The following OGDH variants were observed in gnomAD, a reference collection of about 807,000 sequenced individuals.
OGDH encodes the protein 2-oxoglutarate dehydrogenase complex component E1.
A neutral mutation model predicts 116.6 loss-of-function variants in OGDH; 38 were observed. The observed-to-expected ratio is 0.33, with a 90% CI of 0.25 to 0.43. OGDH has a LOEUF of 0.43. OGDH is among the 20% of genes least tolerant of loss of function. The pLI, the probability that OGDH is intolerant of heterozygous loss-of-function variation, is 1.00. For missense variants in OGDH, 825 were observed against 1,357.2 expected, an observed-to-expected ratio of 0.61 and a Z score of 6.16; for synonymous variants, 488 against 533.3, an observed-to-expected ratio of 0.92 and a Z score of 1.17.
intron 1 of OGDH, among the ~76,000 whole-genome samples, chr7:44,611,072 AT>A (rs56803296): frequency 0.44 from 53,539 of 122,662 alleles, 9,523 homozygotes; most frequent in East Asian, 0.65. Context: ...ATTTTTCTAA[AT>A]TTTTTTTTTT....
chr7:44,616,490 A>G (rs899521796), intron 1 of OGDH, among the ~76,000 whole-genome samples: 1 of 151,998 alleles, frequency 6.6e-6, no homozygotes, highest in Admixed American at 6.6e-5. Flanking sequence ...GAGACAGCCT[A>G]CTAATGTTTT....
chr7:44,673,066 C>T (rs1787539485), intron 5 of OGDH, among the ~76,000 whole-genome samples: 1 of 152,106 alleles, frequency 6.6e-6, no homozygotes, highest in Admixed American at 6.5e-5. Context: ...GCAGTGTGAA[C>T]GTGGTACAGG....
Position 44,696,079 on chromosome 7 carries a change from GA to G in OGDH, c.1724del (p.Asp575ValfsTer35). On this transcript the variant is annotated frameshift_variant, in exon 13 of 23. Transcript: ENST00000222673. LOFTEE classifies it high-confidence loss of function. ...TGAGGAAGCTTTTGCCAGATCTAAAGATGAGAAGATCTTGCACATTAAGCAC... is the reference window on the plus strand; with the variant it reads ...TGAGGAAGCTTTTGCCAGATCTAAAGTGAGAAGATCTTGCACATTAAGCAC... ...ICEEAFARSK[D>X]EKILHIKHWL... The G allele has an allele frequency of 6.2e-7, 1 of 1,613,674 alleles. No individual in the cohort carries two copies. The highest frequency in any genetic ancestry group is 8.5e-7 in the Non-Finnish European group (1 of 1,179,602).
intron 2 of OGDH, among the ~76,000 whole-genome samples, chr7:44,639,672 A>C (rs1785841517): frequency 6.6e-6 from 1 of 152,174 alleles, no homozygotes; most frequent in Non-Finnish European, 1.5e-5. Context: ...GTCTTGGCGC[A>C]AAGAGGGCTT....
intron 18 of OGDH, among the ~76,000 whole-genome samples, chr7:44,698,840 T>TAAAA (rs750560729): frequency 7.8e-6 from 1 of 127,702 alleles, no homozygotes; most frequent in African/African-American, 2.9e-5. Context: ...TACCCTGTCT[T>TAAAA]AAAAAAAAAA....
intron 1 of OGDH, among the ~76,000 whole-genome samples, chr7:44,608,806 GAA>G (rs1784453955): frequency 6.6e-6 from 1 of 151,918 alleles, no homozygotes; most frequent in Non-Finnish European, 1.5e-5. Context: ...AAATTATTGA[GAA>G]ATTCATTTTG....
chr7:44,665,690 C>T lies in OGDH; in HGVS notation c.518-1046C>T, dbSNP rs771554720. Among the ~76,000 whole-genome samples, 5 of 152,148 alleles carry T rather than the reference C, an allele frequency of 3.3e-5. No individual in the cohort carries two copies. In the East Asian group the frequency reaches 9.6e-4, roughly 29 times the overall value. ...AGGTCTAGTCAGATGTTGGAGACTT[C>T]GCAAAATACCAGTTCACTGTGCATT... On this transcript the variant is annotated intron_variant, in intron 4 of 22. Transcript: ENST00000222673.
intron 1 of OGDH, among the ~76,000 whole-genome samples, chr7:44,613,984 T>G (rs1784669476): frequency 6.6e-6 from 1 of 151,872 alleles, no homozygotes; most frequent in Admixed American, 6.6e-5. Flanking sequence ...TTTTGTATTT[T>G]TAGTTGAGAC....
At chr7:44,686,611 A>G (rs1309297767) in intron 10 of OGDH, among the ~76,000 whole-genome samples, 1 of 151,176 alleles carries the variant, frequency 6.6e-6, no homozygotes, top group Non-Finnish European at 1.5e-5. Flanking sequence ...CCCTTCCTAA[A>G]TGATTGGTAG....
In OGDH at chr7:44,645,537, C is replaced by T; in HGVS notation, c.414+19C>T. The T allele has an allele frequency of 6.2e-7, 1 of 1,611,186 alleles. No individual in the cohort carries two copies. The highest frequency in any genetic ancestry group is 2.2e-5 in the East Asian group (1 of 44,806). Reference sequence around the variant, plus strand: ...ATATCAGGTAAGGCGGGTGCTTTACCCGCACACGGGAAAGGGTGCAGTGTT... The same window carrying T: ...ATATCAGGTAAGGCGGGTGCTTTACTCGCACACGGGAAAGGGTGCAGTGTT... On this transcript the variant is annotated intron_variant, in intron 3 of 22. Coordinates refer to ENST00000222673, the MANE Select transcript of OGDH (RefSeq NM_002541.4).
rs1202233357 is a variant in OGDH at position 44,694,226 on chromosome 7, C to CG, written c.1516-198_1516-197insG. Reference sequence around the variant, plus strand: ...GGAGCTGTGGTGGTGAGGAGGGCCACTCCTCATTGACAGAGCAGCTCTACT... The same window carrying CG: ...GGAGCTGTGGTGGTGAGGAGGGCCACGTCCTCATTGACAGAGCAGCTCTACT... On this transcript the variant is annotated intron_variant, in intron 11 of 22. Transcript: ENST00000222673. This position sits in a 1 kb window ranked among gnomAD's most constrained non-coding sequence, Gnocchi z 4.2. 6.6e-6 allele frequency among the ~76,000 whole-genome samples: 1 copy of CG among 152,124 alleles called. No homozygotes were observed. The highest frequency in any genetic ancestry group is 2.4e-5 in the African/African-American group (1 of 41,436).
chr7:44,697,545 C>T lies in OGDH; in HGVS notation c.2179+48C>T, dbSNP rs376134596. 19 of 1,613,558 alleles carry T rather than the reference C, an allele frequency of 1.2e-5. No homozygotes were observed. The African/African-American group carries it at 1.2e-4, about 10-fold the overall frequency. ...CCAGGGCCTGTCACCCACCCACCCCCGCTGGGCCTACTGGCTGGTGTCCTG... is the reference window on the plus strand; with the variant it reads ...CCAGGGCCTGTCACCCACCCACCCCTGCTGGGCCTACTGGCTGGTGTCCTG... On this transcript the variant is annotated intron_variant, in intron 16 of 22. Transcript: ENST00000222673. The surrounding 1 kb of genome is among the most constrained non-coding windows in gnomAD (Gnocchi z 6.0).
chr7:44,639,814 A>G (rs1326926183), intron 2 of OGDH, among the ~76,000 whole-genome samples: 1 of 152,202 alleles, frequency 6.6e-6, no homozygotes, highest in Non-Finnish European at 1.5e-5. Flanking sequence ...TGCATGGTGT[A>G]AGATGAATAA....
At chr7:44,612,044 A>G (rs1210388831) in intron 1 of OGDH, among the ~76,000 whole-genome samples, 2 of 152,206 alleles carry the variant, frequency 1.3e-5, no homozygotes, top group Non-Finnish European at 1.5e-5. Context: ...TACATTAGGT[A>G]TATCCATTTG....
intron 4 of OGDH, among the ~76,000 whole-genome samples, chr7:44,665,265 A>T (rs1343770654): frequency 1.4e-5 from 2 of 140,892 alleles, no homozygotes; most frequent in East Asian, 4.3e-4. Context: ...AGCCACTACT[A>T]CCATCACCAC....
chr7:44,686,506 T>C (rs561676003), intron 10 of OGDH, among the ~76,000 whole-genome samples: 1 of 152,240 alleles, frequency 6.6e-6, no homozygotes, highest in Non-Finnish European at 1.5e-5. Flanking sequence ...TGCCTTTATC[T>C]GGTTTTGCTA....
In OGDH at chr7:44,707,159, G is replaced by A; in HGVS notation, c.2633-66G>A. The stretch of plus-strand genomic sequence containing the variant: ...TGGCAGCAGTCCCTGGCACAGCCCT[G>A]GGCCCAGGAGAGCTCTCAGCCACAT... On this transcript the variant is annotated intron_variant, in intron 20 of 22. Transcript: ENST00000222673. The surrounding 1 kb of genome is among the most constrained non-coding windows in gnomAD (Gnocchi z 5.2). The A allele has an allele frequency of 6.4e-7, 1 of 1,559,784 alleles. No individual in the cohort carries two copies. Among genetic ancestry groups the A allele is most frequent in the Middle Eastern group, 1.7e-4 (1 of 5,850 alleles).
At chr7:44,612,987 TCTC>T (rs570751543) in intron 1 of OGDH, among the ~76,000 whole-genome samples, 3 of 144,466 alleles carry the variant, frequency 2.1e-5, no homozygotes, top group East Asian at 2.1e-4. Context: ...TTCAAGCAAT[TCTC>T]CTGCCTCAGC....
At chr7:44,627,141 C>T (rs1401155620) in intron 2 of OGDH, among the ~76,000 whole-genome samples, 1 of 152,112 alleles carries the variant, frequency 6.6e-6, no homozygotes, top group Non-Finnish European at 1.5e-5. Context: ...GGATTACAGG[C>T]CTGTGCCACC....
Sources: allele counts gnomAD v4.1 joint callset (sites outside exome capture counted in the v4.1 genomes callset), GRCh38; gene constraint gnomAD v4.1.1; non-coding constraint Gnocchi (gnomAD v3.1); transcripts MANE v1.5; gene names NCBI Gene and HGNC (gene_info 2026-07-23, HGNC 2026-07-21).